The following UGT2A3 variants were observed in gnomAD, a reference collection of about 807,000 sequenced individuals.
The protein encoded by UGT2A3 is UDP-glucuronosyltransferase 2A3.
A neutral mutation model predicts 44.1 loss-of-function variants in UGT2A3; 55 were observed. The observed-to-expected ratio is 1.25, with a 90% CI of 1.00 to 1.56. The LOEUF is 1.56. UGT2A3 is among the 40% of genes most tolerant of loss of function. UGT2A3 has a pLI of 0.00. For missense variants in UGT2A3, 733 were observed against 621.6 expected, an observed-to-expected ratio of 1.18 and a Z score of -1.91; for synonymous variants, 243 against 215.1, an observed-to-expected ratio of 1.13 and a Z score of -1.13.
intron 2 of UGT2A3, among the ~76,000 whole-genome samples, chr4:68,941,035 C>A (rs1392437420): frequency 6.6e-6 from 1 of 151,566 alleles, no homozygotes; most frequent in Non-Finnish European, 1.5e-5. Flanking sequence ...ATAGATTAAT[C>A]CCCTGCCTGG....
In UGT2A3 at chr4:68,935,284, A is replaced by G. The variant is rs1180722991; in HGVS notation, c.865-2525T>C. On this transcript the variant is annotated intron_variant, in intron 2 of 5. Transcript: ENST00000251566. ...TGTATGTATGTATGTATGTATATAT[A>G]TATATATATATATATATATATATAT... Among the ~76,000 whole-genome samples, 436 of 73,558 alleles carry G rather than the reference A, an allele frequency of 5.9e-3. 12 individuals carry two copies. The highest frequency in any genetic ancestry group is 0.041 in the East Asian group (106 of 2,610). 48.3% of individuals were successfully genotyped at this position (73,558 alleles called of 152,430 possible).
intron 2 of UGT2A3, among the ~76,000 whole-genome samples, chr4:68,938,502 A>AG (rs1718042447): frequency 6.6e-6 from 1 of 151,954 alleles, no homozygotes; most frequent in South Asian, 2.1e-4. Flanking sequence ...AAAATTCAAC[A>AG]CCCTTCATGC....
rs774484704 is a variant in UGT2A3 at position 68,951,743 on chromosome 4, TGAC to T, written c.15_17del (p.Ser6del). The T allele has an allele frequency of 2.2e-5, 35 of 1,595,590 alleles. No individual in the cohort carries two copies. In the Admixed American group the frequency reaches 4.1e-4, roughly 19 times the overall value. The stretch of plus-strand genomic sequence containing the variant: ...GCTGCAGGAGCAGAAATACCAAAGC[TGAC>T]TTGTCAGACCTCATGATGGCAGTTC... On this transcript the variant is annotated inframe_deletion, in exon 1 of 6. Coordinates refer to ENST00000251566, the MANE Select transcript of UGT2A3 (RefSeq NM_024743.4).
Position 68,929,917 on chromosome 4 carries a change from A to G in UGT2A3, c.1480T>C (p.Phe494Leu), listed in dbSNP as rs62641707. Residue 494 changes from phenylalanine to leucine, a missense_variant, in exon 6 of 6, where the codon TTC becomes CTC. Physicochemically the swap from Phe to Leu is conservative, Grantham distance 22 (BLOSUM62 0). Coordinates refer to ENST00000251566, the MANE Select transcript of UGT2A3 (RefSeq NM_024743.4). ...GCAGTTGCCACACAGGCCAGCAGGA[A>G]CCCAATCACATCTATAGAGTAGTGC... Reference protein sequence around the residue: ...FQHYSIDVIGFLLACVATAIF... With the variant: ...FQHYSIDVIGLLLACVATAIF... 2 of 1,613,520 alleles carry G rather than the reference A, an allele frequency of 1.2e-6. No individual in the cohort carries two copies. Among genetic ancestry groups the G allele is most frequent in the East Asian group, 2.2e-5 (1 of 44,838 alleles).
At chr4:68,935,784 T>A (rs185591870) in intron 2 of UGT2A3, among the ~76,000 whole-genome samples, 1 of 152,088 alleles carries the variant, frequency 6.6e-6, no homozygotes, top group African/African-American at 2.4e-5. Flanking sequence ...GAGCATGTTC[T>A]AACCCATCGC....
intron 3 of UGT2A3, among the ~76,000 whole-genome samples, chr4:68,932,294 G>A (rs993937351): frequency 2.0e-5 from 3 of 149,950 alleles, no homozygotes; most frequent in African/African-American, 7.3e-5. Flanking sequence ...TTTTATATCA[G>A]TTTTCCTTTT....
Position 68,951,305 on chromosome 4 carries a change from A to G in UGT2A3, c.456T>C (p.Ile152=). The part of the protein sequence containing the change: ...NYDVMLIDPV[I]PCGDLMAELL... ...ACTCAGCCATCAGGTCTCCACAGGGAATCACAGGGTCTATAAGCATTACAT... is the reference window on the plus strand; with the variant it reads ...ACTCAGCCATCAGGTCTCCACAGGGGATCACAGGGTCTATAAGCATTACAT... Residue 152 remains isoleucine, a synonymous_variant, in exon 1 of 6, where the codon ATT becomes ATC. Coordinates refer to ENST00000251566, the MANE Select transcript of UGT2A3 (RefSeq NM_024743.4). The G allele has an allele frequency of 6.2e-7, 1 of 1,612,480 alleles. No individual in the cohort carries two copies.
In UGT2A3 at chr4:68,928,483, T is replaced by G. The variant is rs1286317154; in HGVS notation, c.*1330A>C. ...GAAACTTTCAAAACAGTAAACAATT[T>G]TATTTATATTTATTGTATACATACA... On this transcript the variant is annotated 3_prime_UTR_variant, in exon 6 of 6. Transcript: ENST00000251566. The G allele has an allele frequency of 2.0e-5, 3 of 152,094 alleles. No homozygotes were observed. The highest frequency in any genetic ancestry group is 4.4e-5 in the Non-Finnish European group (3 of 67,994). 9.4% of individuals were successfully genotyped at this position (152,094 alleles called of 1,614,324 possible).
intron 1 of UGT2A3, 135 bp downstream of exon 1, chr4:68,950,907 ACTTT>A (rs1490027325): frequency 1.4e-5 from 8 of 583,370 alleles, no homozygotes; most frequent in Admixed American, 3.7e-5. Context: ...GAACAAATAC[ACTTT>A]CTTTATGAAA....
intron 2 of UGT2A3, among the ~76,000 whole-genome samples, chr4:68,943,532 G>A (rs922791492): frequency 2.0e-5 from 3 of 151,584 alleles, no homozygotes; most frequent in Non-Finnish European, 2.9e-5. Context: ...GGGAAATGAG[G>A]GTTTTCTTTT....
chr4:68,938,742 G>T (rs1718065910), intron 2 of UGT2A3, among the ~76,000 whole-genome samples: 1 of 152,060 alleles, frequency 6.6e-6, no homozygotes, highest in African/African-American at 2.4e-5. Flanking sequence ...TATTCAATTA[G>T]GAAAAGAGTA....
At chr4:68,933,548 C>T (rs1340986316) in intron 2 of UGT2A3, among the ~76,000 whole-genome samples, 1 of 152,030 alleles carries the variant, frequency 6.6e-6, no homozygotes, top group African/African-American at 2.4e-5. Context: ...TTGGCAGATG[C>T]TTTGTGGTCC....
chr4:68,937,677 C>A (rs767075038), intron 2 of UGT2A3, among the ~76,000 whole-genome samples: 3 of 152,038 alleles, frequency 2.0e-5, no homozygotes, highest in Non-Finnish European at 2.9e-5. Context: ...CAAATACATT[C>A]AAAAGCTGGT....
At chr4:68,939,638 C>G (rs1228471127) in intron 2 of UGT2A3, among the ~76,000 whole-genome samples, 5 of 152,080 alleles carry the variant, frequency 3.3e-5, no homozygotes, top group Admixed American at 3.3e-4. Context: ...TAGGCCTGGG[C>G]AAGGGTTTCA....
Position 68,945,316 on chromosome 4 carries a change from G to A in UGT2A3, c.854C>T (p.Ala285Val), listed in dbSNP as rs1718342949. 9.9e-6 allele frequency: 16 copies of A among 1,611,160 alleles called. No individual in the cohort carries two copies. In the East Asian group the frequency reaches 3.6e-4, roughly 36 times the overall value. Residue 285 changes from alanine to valine, a missense_variant, in exon 2 of 6, where the codon GCT becomes GTT. Ala to Val is a moderately conservative substitution (Grantham distance 64, BLOSUM62 0). Transcript: ENST00000251566. ...ATACAATAGTCCTACCTTAGGCAAA[G>A]CTTTGGCAGGTTTACAGTGCAATCC... is the stretch of plus-strand genomic sequence containing the variant. ...VGGLHCKPAK[A>V]LPKEMENFVQ...
chr4:68,948,444 T>TTC (rs1553902670), intron 1 of UGT2A3, among the ~76,000 whole-genome samples: 23 of 111,826 alleles, frequency 2.1e-4, no homozygotes, highest in African/African-American at 5.8e-4. Context: ...TTTTTCTTTT[T>TTC]TTTTTTTTTT....
chr4:68,948,431 TTTTTTTTC>T (rs1218215763), intron 1 of UGT2A3, among the ~76,000 whole-genome samples: 8 of 78,476 alleles, frequency 1.0e-4, no homozygotes, highest in Admixed American at 4.2e-4. Context: ...TTTTCTTTTC[TTTTTTTTC>T]TTTTTTTTTT....
rs1427665428 is a variant in UGT2A3, at chr4:68,928,535, A to G, written c.*1278T>C. ...AAGAAAAATACTTATATTTATTTTTATATCATCATTTTAAAATTGAAATTA... is the reference window on the plus strand; with the variant it reads ...AAGAAAAATACTTATATTTATTTTTGTATCATCATTTTAAAATTGAAATTA... On this transcript the variant is annotated 3_prime_UTR_variant, in exon 6 of 6. Coordinates refer to ENST00000251566, the MANE Select transcript of UGT2A3 (RefSeq NM_024743.4). 6.6e-6 allele frequency: 1 copy of G among 152,072 alleles called. No individual in the cohort carries two copies. Among genetic ancestry groups the G allele is most frequent in the East Asian group, 1.9e-4 (1 of 5,182 alleles). The allele number at this position is 152,072 out of a possible 1,614,324, so 9.4% of individuals were successfully genotyped here.
At chr4:68,950,345 G>C (rs563455227) in intron 1 of UGT2A3, among the ~76,000 whole-genome samples, 1 of 151,756 alleles carries the variant, frequency 6.6e-6, no homozygotes, top group Non-Finnish European at 1.5e-5. Context: ...TTTTAGTGTC[G>C]AATATAATTG....
Sources: gnomAD v4.1 joint callset for allele counts (sites outside exome capture counted in the v4.1 genomes callset) on GRCh38, gnomAD v4.1.1 for gene constraint, MANE v1.5 for transcripts, NCBI Gene and HGNC (gene_info 2026-07-23, HGNC 2026-07-21) for gene names.